Variants in ANO1 observed in about 807,000 individuals in gnomAD.
The protein encoded by ANO1 is anoctamin-1.
Under a neutral mutation model 124.0 loss-of-function variants are expected in ANO1, and 59 were observed. The ratio of observed to expected loss-of-function variants is 0.48; its 90% confidence interval spans 0.39 to 0.59. The LOEUF (loss-of-function observed/expected upper bound fraction) is 0.59. ANO1 is among the 20% of genes least tolerant of loss of function. The pLI, the probability that ANO1 is intolerant of heterozygous loss-of-function variation, is 0.00. For missense variants in ANO1, 1,059 were observed against 1,328.0 expected, an observed-to-expected ratio of 0.80 and a Z score of 3.15; for synonymous variants, 529 against 532.0, an observed-to-expected ratio of 0.99 and a Z score of 0.08.
the ANO1 span, among the ~76,000 whole-genome samples, chr11:69,969,660 C>T: frequency 6.6e-6 from 1 of 152,128 alleles, no homozygotes; most frequent in Non-Finnish European, 1.5e-5. Context: ...TCAAGAGACC[C>T]GGATGCGGCC....
chr11:70,125,668 C>T (rs551559809), intron 9 of ANO1, among the ~76,000 whole-genome samples: 73 of 151,534 alleles, frequency 4.8e-4, no homozygotes, highest in Non-Finnish European at 9.0e-4. Flanking sequence ...CACGGCGAAA[C>T]TCCATCTCTA....
In ANO1 at chr11:70,001,809, G is replaced by GT. The variant is rs1458380219; in HGVS notation, c.58+15650dup. Among the ~76,000 whole-genome samples, 5 of 151,590 alleles carry GT rather than the reference G, an allele frequency of 3.3e-5. No individual in the cohort carries two copies. In the East Asian group the frequency reaches 5.8e-4, roughly 18 times the overall value. On this transcript the variant is annotated intron_variant, in intron 1 of 27. Coordinates refer to the ANO1 transcript ENST00000531349. ...TGTGTGTGTGTGTGTTTTGTTTTTT[G>GT]TTTTTTTGAGACAGATTCTCACTCT...
At chr11:70,096,058 C>T (rs1370910152) in intron 2 of ANO1, among the ~76,000 whole-genome samples, 7 of 152,186 alleles carry the variant, frequency 4.6e-5, no homozygotes, top group African/African-American at 1.2e-4. Context: ...ATTTCTATCT[C>T]GGTCACTTCA....
intron 1 of ANO1, among the ~76,000 whole-genome samples, chr11:70,042,946 T>C (rs1178494270): frequency 2.0e-5 from 3 of 152,134 alleles, no homozygotes; most frequent in African/African-American, 7.2e-5. Flanking sequence ...AAAATTTTAA[T>C]GTCTGGCATT....
intron 1 of ANO1, among the ~76,000 whole-genome samples, chr11:70,071,026 G>A (rs192999116): frequency 1.3e-5 from 2 of 152,278 alleles, no homozygotes; most frequent in Admixed American, 1.3e-4. Context: ...AGTACTACAT[G>A]GTAGGATCCC....
chr11:70,073,336 C>CGAAG (rs1555009581), upstream of ANO1, among the ~76,000 whole-genome samples: 1 of 152,170 alleles, frequency 6.6e-6, no homozygotes, highest in Non-Finnish European at 1.5e-5. Flanking sequence ...TAAACTTCTT[C>CGAAG]CCACACCTCA....
chr11:69,988,649 A>T (rs759326322), intron 1 of ANO1, among the ~76,000 whole-genome samples: 35 of 152,206 alleles, frequency 2.3e-4, no homozygotes, highest in Non-Finnish European at 4.0e-4. Context: ...ATTGGTACAG[A>T]TGCCCCCTCC....
chr11:70,021,664 C>T (rs1038608739), intron 1 of ANO1, among the ~76,000 whole-genome samples: 1 of 152,108 alleles, frequency 6.6e-6, no homozygotes, highest in Non-Finnish European at 1.5e-5. Context: ...CCATGTCGAT[C>T]GTCTGAGAAA....
At chr11:70,187,169 C>T (rs1565292142) in intron 25 of ANO1, among the ~76,000 whole-genome samples, 1 of 152,232 alleles carries the variant, frequency 6.6e-6, no homozygotes, top group African/African-American at 2.4e-5. Context: ...GACACCAATC[C>T]AGGGGGCACC....
chr11:70,059,249 G>A (rs1409956422), intron 1 of ANO1, among the ~76,000 whole-genome samples: 1 of 151,042 alleles, frequency 6.6e-6, no homozygotes, highest in Non-Finnish European at 1.5e-5. Flanking sequence ...TACTCAGGAG[G>A]CTGAGGCAGG....
At chr11:70,130,779 G>T (rs570568184) in intron 10 of ANO1, among the ~76,000 whole-genome samples, 1 of 152,264 alleles carries the variant, frequency 6.6e-6, no homozygotes, top group East Asian at 1.9e-4. Flanking sequence ...AGGCCCCCCC[G>T]GCTTCCCGAG....
chr11:70,003,885 G>T (rs535805923), intron 1 of ANO1, among the ~76,000 whole-genome samples: 1 of 152,200 alleles, frequency 6.6e-6, no homozygotes, highest in African/African-American at 2.4e-5. Flanking sequence ...ATAGTGTGAG[G>T]CTGCTATATC....
At chr11:70,043,576 A>G (rs2135062307) in intron 1 of ANO1, among the ~76,000 whole-genome samples, 1 of 152,318 alleles carries the variant, frequency 6.6e-6, no homozygotes, top group South Asian at 2.1e-4. Flanking sequence ...TATTAAGAGC[A>G]GTCAGAGAAA....
chr11:69,973,566 G>T, the ANO1 span, among the ~76,000 whole-genome samples: 13 of 152,092 alleles, frequency 8.5e-5, no homozygotes, highest in African/African-American at 3.1e-4. Context: ...CTTTATTGCA[G>T]GCCTTTAGAT....
chr11:70,063,675 G>A (rs1249130646), intron 1 of ANO1: 1 of 152,066 alleles, frequency 6.6e-6, no homozygotes, highest in Non-Finnish European at 1.5e-5. Flanking sequence ...AATAAGAACT[G>A]GTCATACCTA....
At chr11:69,984,857 C>G (rs1045832198), upstream of ANO1, among the ~76,000 whole-genome samples, 8 of 152,236 alleles carry the variant, frequency 5.3e-5, no homozygotes, top group Non-Finnish European at 1.0e-4. Flanking sequence ...AAAGATGAGG[C>G]GGCTGCCCTG....
At chr11:70,012,856 T>A (rs78266639) in intron 1 of ANO1, among the ~76,000 whole-genome samples, 6,727 of 152,176 alleles carry the variant, frequency 0.044, 488 homozygotes, top group African/African-American at 0.15. Flanking sequence ...TCATTTGCTT[T>A]TTCATCCATC....
intron 1 of ANO1, among the ~76,000 whole-genome samples, chr11:70,043,933 C>T (rs75339954): frequency 1.1e-4 from 16 of 152,084 alleles, no homozygotes; most frequent in East Asian, 5.8e-4. Context: ...TAATATAAAA[C>T]GTTTTCTCAA....
chr11:70,092,295 T>A (rs149451709), intron 2 of ANO1, among the ~76,000 whole-genome samples: 2 of 152,252 alleles, frequency 1.3e-5, no homozygotes, highest in African/African-American at 2.4e-5. Context: ...TGAGATCACA[T>A]TGATAAGTGC....
Sources: gnomAD v4.1 joint callset for allele counts (sites outside exome capture counted in the v4.1 genomes callset) on GRCh38, gnomAD v4.1.1 for gene constraint, MANE v1.5 for transcripts, NCBI Gene and HGNC (gene_info 2026-07-23, HGNC 2026-07-21) for gene names.